Variants in CEP63 observed in about 807,000 individuals in gnomAD.
The protein encoded by CEP63 is centrosomal protein of 63 kDa.
CEP63 carries 84 observed loss-of-function variants against 89.1 expected under a neutral mutation model. The observed-to-expected ratio is 0.94, with a 90% CI of 0.79 to 1.13. CEP63 has a LOEUF of 1.13. CEP63 is among the 50% of genes most tolerant of loss of function. The pLI is 0.00. For synonymous variants in CEP63, 267 were observed against 272.5 expected, an observed-to-expected ratio of 0.98 and a Z score of 0.20; for missense variants, 838 against 813.3, an observed-to-expected ratio of 1.03 and a Z score of -0.37.
At chr3:134,536,504 G>A (rs1950801757) in intron 5 of CEP63, 1 of 153,690 alleles carries the variant, frequency 6.5e-6, no homozygotes, top group African/African-American at 2.4e-5. Flanking sequence ...GCAATTTGAT[G>A]TTACTATTGA....
chr3:134,514,575 A>G (rs552299570), intron 3 of CEP63, among the ~76,000 whole-genome samples: 4 of 152,350 alleles, frequency 2.6e-5, no homozygotes, highest in Admixed American at 1.3e-4. Flanking sequence ...AAGATTATCT[A>G]CAAATAGCTC....
chr3:134,756,366 C>A, the CEP63 span, among the ~76,000 whole-genome samples: 1 of 152,106 alleles, frequency 6.6e-6, no homozygotes, highest in African/African-American at 2.4e-5. Flanking sequence ...TTTTTTGAGA[C>A]AGGGTCTCAC....
the CEP63 span, among the ~76,000 whole-genome samples, chr3:134,672,412 A>G: frequency 2.6e-5 from 4 of 152,222 alleles, no homozygotes; most frequent in Non-Finnish European, 5.9e-5. Flanking sequence ...ACATTTTGCT[A>G]GCTTAGATTC....
At chr3:134,666,075 C>G in the CEP63 span, among the ~76,000 whole-genome samples, 1 of 152,092 alleles carries the variant, frequency 6.6e-6, no homozygotes, top group African/African-American at 2.4e-5. Flanking sequence ...CAAGGAAATT[C>G]CCTGAGACAG....
chr3:134,505,659 T>C lies in CEP63; in HGVS notation c.45-1450T>C, dbSNP rs527999966. 9.9e-5 allele frequency among the ~76,000 whole-genome samples: 15 copies of C among 152,244 alleles called. No individual in the cohort carries two copies. The South Asian group carries it at 2.3e-3, about 23-fold the overall frequency. On this transcript the variant is annotated intron_variant, in intron 2 of 14. Coordinates refer to ENST00000675561, the MANE Select transcript of CEP63 (RefSeq NM_001353108.3). ...GTGAGGCAGGCCTCTCCAAGGTCCCTGGATGATGTCCATAGGTGCTGGCAG... is the reference window on the plus strand; with the variant it reads ...GTGAGGCAGGCCTCTCCAAGGTCCCCGGATGATGTCCATAGGTGCTGGCAG...
At chr3:134,512,938 C>G (rs949900780) in intron 3 of CEP63, among the ~76,000 whole-genome samples, 5 of 152,116 alleles carry the variant, frequency 3.3e-5, no homozygotes, top group African/African-American at 9.7e-5. Context: ...CTAATTGTCT[C>G]ACTTTCATTT....
Position 134,495,277 on chromosome 3 carries a change from A to C in CEP63, c.-25-19A>C, listed in dbSNP as rs539861804. ...GAAGAAATGAATTGTCTCATGACTG[A>C]TATTTTTTTCTTTGTCAGTTGCCAA... On this transcript the variant is annotated intron_variant, in intron 1 of 14. Transcript: ENST00000675561. The C allele has an allele frequency of 6.4e-7, 1 of 1,563,960 alleles. No individual in the cohort carries two copies. Among genetic ancestry groups the C allele is most frequent in the Non-Finnish European group, 8.8e-7 (1 of 1,134,572 alleles).
the CEP63 span, chr3:134,643,388 G>A: frequency 6.2e-7 from 1 of 1,613,348 alleles, no homozygotes; most frequent in Non-Finnish European, 8.5e-7. Flanking sequence ...TCTATTTAAG[G>A]AAGACAGAGA....
downstream of CEP63, among the ~76,000 whole-genome samples, chr3:134,576,756 A>T (rs548415621): frequency 6.6e-6 from 1 of 152,328 alleles, no homozygotes; most frequent in Admixed American, 6.5e-5. Context: ...GTAGGAAGGC[A>T]TCAGGGCAGG....
the CEP63 span, among the ~76,000 whole-genome samples, chr3:134,685,827 G>A: frequency 3.9e-5 from 6 of 152,172 alleles, no homozygotes; most frequent in East Asian, 1.9e-4. Context: ...ACAGGAGCTC[G>A]TCAGATCCAC....
the CEP63 span, among the ~76,000 whole-genome samples, chr3:134,697,327 A>G: frequency 6.6e-6 from 1 of 152,292 alleles, no homozygotes; most frequent in Middle Eastern, 3.4e-3. Context: ...AGGCTTTGTC[A>G]TAACACTGTG....
the CEP63 span, among the ~76,000 whole-genome samples, chr3:134,595,177 G>GTT: frequency 3.3e-5 from 5 of 152,178 alleles, no homozygotes; most frequent in Admixed American, 2.0e-4. Context: ...AATCATGGGG[G>GTT]TGGTTACTCT....
downstream of CEP63, among the ~76,000 whole-genome samples, chr3:134,577,869 A>ACTC (rs1958251820): frequency 6.6e-6 from 1 of 151,868 alleles, no homozygotes; most frequent in Admixed American, 6.6e-5. Context: ...GAGAACATGC[A>ACTC]GTGTTTGGTT....
At chr3:134,575,671 G>A (rs1362391064), downstream of CEP63, among the ~76,000 whole-genome samples, 4 of 151,684 alleles carry the variant, frequency 2.6e-5, no homozygotes, top group South Asian at 2.1e-4. Context: ...GAGTGCATTG[G>A]CATAATCACG....
chr3:134,560,879 T>C (rs1175065157), intron 14 of CEP63, among the ~76,000 whole-genome samples: 1 of 152,226 alleles, frequency 6.6e-6, no homozygotes, highest in Non-Finnish European at 1.5e-5. Flanking sequence ...TGGCATATGT[T>C]CTATGTTACC....
chr3:134,649,349 C>A, the CEP63 span, among the ~76,000 whole-genome samples: 1 of 152,180 alleles, frequency 6.6e-6, no homozygotes, highest in African/African-American at 2.4e-5. Flanking sequence ...GGCTTCTCTG[C>A]ATTCTTTGCC....
the CEP63 span, among the ~76,000 whole-genome samples, chr3:134,646,289 C>T: frequency 1.5e-3 from 223 of 152,312 alleles, 1 homozygote; most frequent in African/African-American, 5.2e-3. Flanking sequence ...AGCCATTGCA[C>T]CCATGCATGC....
chr3:134,592,455 G>A (rs987872067), downstream of CEP63, among the ~76,000 whole-genome samples: 7 of 131,078 alleles, frequency 5.3e-5, no homozygotes, highest in Non-Finnish European at 9.7e-5. Flanking sequence ...AACCACAAAT[G>A]CCATCTGCAA....
At chr3:134,758,612 T>C in the CEP63 span, among the ~76,000 whole-genome samples, 1 of 152,326 alleles carries the variant, frequency 6.6e-6, no homozygotes, top group East Asian at 1.9e-4. Flanking sequence ...AGGTATTTAT[T>C]GATTATCTCC....
Sources: allele counts gnomAD v4.1 joint callset (sites outside exome capture counted in the v4.1 genomes callset), GRCh38; gene constraint gnomAD v4.1.1; transcripts MANE v1.5; gene names NCBI Gene and HGNC (gene_info 2026-07-23, HGNC 2026-07-21).